The following BCAS3 variants were observed in gnomAD, a reference collection of about 807,000 sequenced individuals.
BCAS3 encodes the protein BCAS3 microtubule associated cell migration factor, also known as BCAS4/BCAS3 fusion.
BCAS3 carries 53 observed loss-of-function variants against 116.1 expected under a neutral mutation model. The ratio of observed to expected loss-of-function variants is 0.46; its 90% confidence interval spans 0.37 to 0.57. The LOEUF (loss-of-function observed/expected upper bound fraction) is 0.57, where lower values mean the gene tolerates loss of function less well. BCAS3 is among the 20% of genes least tolerant of loss of function. BCAS3 has a pLI of 0.00. For missense variants in BCAS3, 917 were observed against 1,165.4 expected (o/e 0.79, Z 3.10); for synonymous variants, 391 against 408.2 (o/e 0.96, Z 0.51).
At chr17:60,765,870 T>C (rs535879677) in intron 6 of BCAS3, among the ~76,000 whole-genome samples, 2 of 152,228 alleles carry the variant, frequency 1.3e-5, no homozygotes, top group African/African-American at 4.8e-5. Context: ...CCTATATTTC[T>C]TGGAGGCTTT....
At chr17:61,274,095 G>A (rs892859368) in intron 22 of BCAS3, among the ~76,000 whole-genome samples, 2 of 150,852 alleles carry the variant, frequency 1.3e-5, no homozygotes, top group Admixed American at 6.6e-5. Context: ...ATCTCCTAAT[G>A]CTATCCCTCC....
At position 61,338,166 on chromosome 17, in the gene BCAS3, G is replaced by A. The variant is rs115332708; in HGVS notation, c.2426-30161G>A. On this transcript the variant is annotated intron_variant, in intron 22 of 23. Coordinates refer to ENST00000407086, the MANE Select transcript of BCAS3 (RefSeq NM_017679.5). ...GATTTTAAGTGACTGTGTCATCCCTGTGGCCAGTCTCTGGCGGGGGCGGTA... is the reference window on the plus strand; with the variant it reads ...GATTTTAAGTGACTGTGTCATCCCTATGGCCAGTCTCTGGCGGGGGCGGTA... Among the ~76,000 whole-genome samples, 323 of 152,310 alleles carry A rather than the reference G, an allele frequency of 2.1e-3. 1 individual carries two copies. The highest frequency in any genetic ancestry group is 7.4e-3 in the African/African-American group (308 of 41,576).
In BCAS3 at chr17:61,145,094, T is replaced by G. The variant is rs145017671; in HGVS notation, c.2425+60530T>G. 6.6e-6 allele frequency among the ~76,000 whole-genome samples: 1 copy of G among 152,332 alleles called. No homozygotes were observed. Among genetic ancestry groups the G allele is most frequent in the East Asian group, 1.9e-4 (1 of 5,190 alleles). On this transcript the variant is annotated intron_variant, in intron 22 of 23. Coordinates refer to ENST00000407086, the MANE Select transcript of BCAS3 (RefSeq NM_017679.5). The surrounding 1 kb of genome is among the most constrained non-coding windows in gnomAD (Gnocchi z 5.0). ...TATCAAAACTCTCCCTGGAGGGAGA[T>G]GCAACTTTGGCTCGCCTCACCGGCA...
intron 5 of BCAS3, among the ~76,000 whole-genome samples, chr17:60,742,712 G>A (rs138469947): frequency 2.6e-5 from 4 of 151,668 alleles, no homozygotes; most frequent in Non-Finnish European, 4.4e-5. Flanking sequence ...GGATTATAAG[G>A]CATGAGCTAC....
chr17:61,002,047 T>A (rs1013143756), intron 15 of BCAS3, among the ~76,000 whole-genome samples: 1 of 152,092 alleles, frequency 6.6e-6, no homozygotes, highest in Non-Finnish European at 1.5e-5. Context: ...AGGTTCTCAG[T>A]AAAATTGAGA....
intron 5 of BCAS3, among the ~76,000 whole-genome samples, chr17:60,742,795 T>C (rs550541408): frequency 6.6e-6 from 1 of 152,026 alleles, no homozygotes; most frequent in African/African-American, 2.4e-5. Context: ...CAGAGGTCCA[T>C]GAACAGTAGT....
chr17:61,221,627 C>T (rs991891875), intron 22 of BCAS3, among the ~76,000 whole-genome samples: 3 of 152,168 alleles, frequency 2.0e-5, no homozygotes, highest in Non-Finnish European at 4.4e-5. Flanking sequence ...AGCTGGGCTT[C>T]TCTCCTAAAG....
At position 61,315,892 on chromosome 17, in the gene BCAS3, G is replaced by C. The variant is rs563611522; in HGVS notation, c.2426-52435G>C. Among the ~76,000 whole-genome samples, 38 of 152,248 alleles carry C rather than the reference G, an allele frequency of 2.5e-4. No homozygotes were observed. Among genetic ancestry groups the C allele is most frequent in the African/African-American group, 9.1e-4 (38 of 41,534 alleles). ...GCCAGGCTCAGAGGGACCCACAGCT[G>C]ACATCTTAAAGTCACCTCTATTGTC... On this transcript the variant is annotated intron_variant, in intron 22 of 23. Transcript: ENST00000407086. This position sits in a 1 kb window ranked among gnomAD's most constrained non-coding sequence, Gnocchi z 5.3.
chr17:60,821,032 C>T (rs570466212), intron 7 of BCAS3, among the ~76,000 whole-genome samples: 12 of 152,028 alleles, frequency 7.9e-5, no homozygotes, highest in East Asian at 5.8e-4. Flanking sequence ...CTGCAACCTC[C>T]GCCTCCCGGG....
intron 22 of BCAS3, among the ~76,000 whole-genome samples, chr17:61,142,023 C>G (rs2076949562): frequency 6.6e-6 from 1 of 150,896 alleles, no homozygotes; most frequent in African/African-American, 2.4e-5. Context: ...CTCTCATTTT[C>G]TCCTTTTCCC....
At position 60,718,068 on chromosome 17, in the gene BCAS3, G is replaced by T. The variant is rs996605752; in HGVS notation, c.321+8743G>T. Among the ~76,000 whole-genome samples, 3 of 152,264 alleles carry T rather than the reference G, an allele frequency of 2.0e-5. 1 individual carries two copies. In the South Asian group the frequency reaches 6.2e-4, roughly 32 times the overall value. On this transcript the variant is annotated intron_variant, in intron 5 of 23. Transcript: ENST00000407086. Reference sequence around the variant, plus strand: ...CCTATGATAATCTAATGCTGCTGCTGACCTGACAAGAGGCAGAGCTTAGGC... The same window carrying T: ...CCTATGATAATCTAATGCTGCTGCTTACCTGACAAGAGGCAGAGCTTAGGC...
chr17:60,843,991 C>T (rs147011080), intron 7 of BCAS3, among the ~76,000 whole-genome samples: 10 of 152,224 alleles, frequency 6.6e-5, no homozygotes, highest in African/African-American at 1.9e-4. Context: ...TTTTTTGAGA[C>T]GGAGTTTCTC....
rs77157594 is a variant in BCAS3 at position 61,352,392 on chromosome 17, A to G, written c.2426-15935A>G. 1.6e-3 allele frequency among the ~76,000 whole-genome samples: 244 copies of G among 152,376 alleles called. 5 individuals carry two copies. The East Asian group carries it at 0.044, about 27-fold the overall frequency. ...AATCTGCTCCTTGCCTGAGTATAGC[A>G]GAAACAAAATATGTTGCTTCCTCCT... On this transcript the variant is annotated intron_variant, in intron 22 of 23. Coordinates refer to ENST00000407086, the MANE Select transcript of BCAS3 (RefSeq NM_017679.5). This position sits in a 1 kb window ranked among gnomAD's most constrained non-coding sequence, Gnocchi z 4.7.
At chr17:60,727,396 C>A in intron 5 of BCAS3, 1 of 1,605,962 alleles carries the variant, frequency 6.2e-7, no homozygotes, top group South Asian at 1.1e-5. Flanking sequence ...ACAAGGAATC[C>A]TTGCTCTTAT....
intron 6 of BCAS3, among the ~76,000 whole-genome samples, chr17:60,759,480 C>T (rs1301975390): frequency 6.6e-6 from 1 of 152,022 alleles, no homozygotes; most frequent in Non-Finnish European, 1.5e-5. Context: ...GTTGAAGCCC[C>T]CTACTGTTAC....
chr17:61,240,495 A>G (rs1009476010), intron 22 of BCAS3, among the ~76,000 whole-genome samples: 6 of 152,134 alleles, frequency 3.9e-5, no homozygotes, highest in Non-Finnish European at 8.8e-5. Context: ...TACTAAAAAT[A>G]CAAAAAAAAA....
rs1202865412 is a variant in BCAS3, at chr17:61,270,112, ATT to A, written c.2426-98191_2426-98190del. ...GAGCCACCAGGCATGGCCTTCTGCC[ATT>A]TTTTTTTTTTTTTTTTTTTTTTTGA... On this transcript the variant is annotated intron_variant, in intron 22 of 23. Coordinates refer to ENST00000407086, the MANE Select transcript of BCAS3 (RefSeq NM_017679.5). Among the ~76,000 whole-genome samples, 629 of 68,782 alleles carry A rather than the reference ATT, an allele frequency of 9.1e-3. 1 individual carries two copies. The highest frequency in any genetic ancestry group is 0.034 in the African/African-American group (545 of 16,258). The allele number at this position is 68,782 out of a possible 152,430, so 45.1% of individuals were successfully genotyped here.
chr17:60,719,587 A>G (rs1265027314), intron 5 of BCAS3, among the ~76,000 whole-genome samples: 1 of 152,234 alleles, frequency 6.6e-6, no homozygotes, highest in East Asian at 1.9e-4. Flanking sequence ...TGAGAATAAG[A>G]TACAGAATTT....
chr17:61,291,064 GC>G (rs1233747813), intron 22 of BCAS3, among the ~76,000 whole-genome samples: 2 of 152,202 alleles, frequency 1.3e-5, no homozygotes, highest in East Asian at 3.8e-4. Flanking sequence ...ACAGACGTGA[GC>G]CACCGCGCCC....
Sources: gnomAD v4.1 joint callset for allele counts (sites outside exome capture counted in the v4.1 genomes callset) on GRCh38, gnomAD v4.1.1 for gene constraint, Gnocchi (gnomAD v3.1) non-coding constraint, MANE v1.5 for transcripts, NCBI Gene and HGNC (gene_info 2026-07-23, HGNC 2026-07-21) for gene names.